KLF8: variants seen among roughly 807,000 people sequenced by gnomAD.
KLF8 encodes Krueppel-like factor 8.
KLF8 carries 10 observed loss-of-function variants against 18.2 expected under a neutral mutation model. That is an observed-to-expected ratio of 0.55 (90% CI 0.34 to 0.93). The LOEUF is 0.93. Among genes scored for constraint, KLF8 ranks in the 40% least tolerant of loss-of-function variants. The pLI is 0.02. For missense variants in KLF8, 264 were observed against 277.9 expected (o/e 0.95, Z 0.36); for synonymous variants, 109 against 97.3 (o/e 1.12, Z -0.71).
chrX:55,956,360 T>C, the KLF8 span, among the ~76,000 whole-genome samples: 1 of 111,798 alleles, frequency 8.9e-6, no homozygotes, highest in Admixed American at 9.5e-5. Context: ...GCTATGAACA[T>C]AGGTATACAA....
At chrX:55,921,333 G>A in the KLF8 span, among the ~76,000 whole-genome samples, 3 of 111,540 alleles carry the variant, frequency 2.7e-5, no homozygotes, top group East Asian at 2.8e-4. Flanking sequence ...CAGGTTTGTC[G>A]AAGATAAGAT....
chrX:56,007,322 C>T, the KLF8 span, among the ~76,000 whole-genome samples: 6 of 110,905 alleles, frequency 5.4e-5, no homozygotes, highest in African/African-American at 1.3e-4. Context: ...CTCAAAATGG[C>T]GCTGTGAAGC....
the KLF8 span, among the ~76,000 whole-genome samples, chrX:55,942,324 G>A: frequency 2.7e-5 from 3 of 109,272 alleles, no homozygotes; most frequent in East Asian, 2.9e-4. Context: ...CAATGAGTAC[G>A]CATGGACACA....
chrX:56,035,986 T>G, the KLF8 span, among the ~76,000 whole-genome samples: 2 of 112,396 alleles, frequency 1.8e-5, no homozygotes, highest in African/African-American at 6.5e-5. Flanking sequence ...GATATAATAC[T>G]ATTTTTTAAA....
At chrX:56,235,435 A>G (rs1363084883) in intron 1 of KLF8, among the ~76,000 whole-genome samples, 1 of 56,099 alleles carries the variant, frequency 1.8e-5, no homozygotes, top group Non-Finnish European at 3.2e-5. Flanking sequence ...TTTTTTTTTG[A>G]CACGGTGTTT....
chrX:56,136,296 A>G, the KLF8 span, among the ~76,000 whole-genome samples: 1 of 111,766 alleles, frequency 8.9e-6, no homozygotes, highest in African/African-American at 3.3e-5. Context: ...CGCATCGCCA[A>G]GTCAATCTAA....
At chrX:56,027,698 C>T in the KLF8 span, among the ~76,000 whole-genome samples, 2 of 112,204 alleles carry the variant, frequency 1.8e-5, no homozygotes, top group Non-Finnish European at 3.8e-5. Context: ...CGTATAACTC[C>T]CAGTCTACTG....
chrX:55,915,816 C>G, the KLF8 span, among the ~76,000 whole-genome samples: 1 of 111,785 alleles, frequency 8.9e-6, no homozygotes. Flanking sequence ...CTGAAGCTAG[C>G]TTAAACACAA....
chrX:56,136,783 A>G, the KLF8 span, among the ~76,000 whole-genome samples: 1 of 110,916 alleles, frequency 9.0e-6, no homozygotes, highest in East Asian at 2.8e-4. Context: ...GAGCTTCTGC[A>G]CAGCAAAAGA....
intron 2 of KLF8, among the ~76,000 whole-genome samples, chrX:56,252,206 G>T (rs1476520473): frequency 9.0e-6 from 1 of 111,193 alleles, no homozygotes; most frequent in East Asian, 2.8e-4. Context: ...TAGAGACAGG[G>T]TTTCACCATG....
chrX:55,941,574 T>C, the KLF8 span, among the ~76,000 whole-genome samples: 1 of 111,064 alleles, frequency 9.0e-6, no homozygotes, highest in Non-Finnish European at 1.9e-5. Context: ...ACCATCAGAG[T>C]GAACAGGCAA....
At chrX:55,944,809 G>A in the KLF8 span, among the ~76,000 whole-genome samples, 1 of 111,112 alleles carries the variant, frequency 9.0e-6, no homozygotes, top group Non-Finnish European at 1.9e-5. Flanking sequence ...TTTTTGAAGG[G>A]TTTTTTGTGT....
chrX:56,082,849 A>T, the KLF8 span, among the ~76,000 whole-genome samples: 2 of 111,688 alleles, frequency 1.8e-5, no homozygotes, highest in Non-Finnish European at 3.8e-5. Flanking sequence ...GCACCTAAAT[A>T]TATCATTTTG....
intron 2 of KLF8, among the ~76,000 whole-genome samples, chrX:56,259,715 A>G (rs888305867): frequency 7.2e-5 from 8 of 110,866 alleles, no homozygotes; most frequent in African/African-American, 2.3e-4. Context: ...TTGTCTCCCA[A>G]ACTTCAATTA....
chrX:56,150,153 C>T, the KLF8 span, among the ~76,000 whole-genome samples: 2 of 111,352 alleles, frequency 1.8e-5, no homozygotes, highest in Non-Finnish European at 3.8e-5. Flanking sequence ...TACAAAATGT[C>T]TTCCTTAGCC....
At chrX:56,197,344 A>G in the KLF8 span, among the ~76,000 whole-genome samples, 1 of 111,713 alleles carries the variant, frequency 9.0e-6, no homozygotes, top group Non-Finnish European at 1.9e-5. Context: ...ATAGACCACT[A>G]GCAAGACTAA....
chrX:56,054,440 G>A, the KLF8 span, among the ~76,000 whole-genome samples: 1 of 111,259 alleles, frequency 9.0e-6, no homozygotes, highest in African/African-American at 3.3e-5. Context: ...TTTGTGCTGT[G>A]GTCTGAGAGA....
At chrX:55,960,605 A>AGG in the KLF8 span, among the ~76,000 whole-genome samples, 1 of 17,443 alleles carries the variant, frequency 5.7e-5, no homozygotes, top group Admixed American at 2.0e-3. Context: ...GAGAAGGAGA[A>AGG]AAAAAGAAGA....
intron 5 of KLF8, among the ~76,000 whole-genome samples, chrX:56,278,686 C>T (rs893964527): frequency 9.0e-6 from 1 of 111,096 alleles, no homozygotes; most frequent in African/African-American, 3.3e-5. Flanking sequence ...ATATGCTCCC[C>T]GCAAGTCCAC....
Sources: gnomAD v4.1 joint callset for allele counts (sites outside exome capture counted in the v4.1 genomes callset) on GRCh38, gnomAD v4.1.1 for gene constraint, MANE v1.5 for transcripts, NCBI Gene and HGNC (gene_info 2026-07-23, HGNC 2026-07-21) for gene names.